Variants in POU2F1 observed in about 807,000 individuals in gnomAD.
The protein encoded by POU2F1 is POU domain, class 2, transcription factor 1.
In POU2F1, 16 loss-of-function variants were observed where a neutral mutation model predicts 84.9. The observed-to-expected ratio is 0.19, with a 90% CI of 0.13 to 0.29. The LOEUF (loss-of-function observed/expected upper bound fraction) is 0.29, where lower values mean the gene tolerates loss of function less well. POU2F1 is among the 10% of genes least tolerant of loss of function. The pLI is 1.00. For synonymous variants in POU2F1, 368 were observed against 368.3 expected (o/e 1.00, Z 0.01); for missense variants, 738 against 942.6 (o/e 0.78, Z 2.84).
intron 1 of POU2F1, among the ~76,000 whole-genome samples, chr1:167,287,640 A>ATTCT (rs1475643194): frequency 2.6e-5 from 4 of 152,224 alleles, no homozygotes; most frequent in African/African-American, 9.6e-5. Context: ...AAAATGCAAA[A>ATTCT]GAGAAGTTCA....
chr1:167,277,324 A>T (rs1439248273), intron 1 of POU2F1, among the ~76,000 whole-genome samples: 1 of 151,212 alleles, frequency 6.6e-6, no homozygotes, highest in Non-Finnish European at 1.5e-5. Context: ...GCAACCTCAC[A>T]CTCCTGGGCT....
intron 1 of POU2F1, among the ~76,000 whole-genome samples, chr1:167,225,310 A>G (rs963443212): frequency 6.6e-6 from 1 of 152,166 alleles, no homozygotes; most frequent in East Asian, 1.9e-4. Flanking sequence ...AATTCCTTTC[A>G]TTTTGTCATT....
chr1:167,277,655 T>C (rs764556061), intron 1 of POU2F1, among the ~76,000 whole-genome samples: 5 of 152,154 alleles, frequency 3.3e-5, no homozygotes, highest in Non-Finnish European at 7.4e-5. Flanking sequence ...AGCTCAGTCC[T>C]AGGCTTCCAT....
rs1327478266 is a variant in POU2F1 at position 167,257,419 on chromosome 1, C to G, written c.61+36461C>G. On this transcript the variant is annotated intron_variant, in intron 1 of 15. Coordinates refer to ENST00000367866, the MANE Select transcript of POU2F1 (RefSeq NM_002697.4). ...GGTGGATGGCATTTTGGCCTGATGT[C>G]AGTTACTATAATTCTTTCCCCAGAA... 2.0e-5 allele frequency among the ~76,000 whole-genome samples: 3 copies of G among 152,284 alleles called. No homozygotes were observed. In the East Asian group the frequency reaches 5.8e-4, roughly 29 times the overall value.
At chr1:167,363,055 C>G (rs565692013) in intron 2 of POU2F1, among the ~76,000 whole-genome samples, 11 of 152,136 alleles carry the variant, frequency 7.2e-5, no homozygotes, top group South Asian at 2.1e-4. Flanking sequence ...CCTCCTCCCC[C>G]CCAAGGCAGA....
intron 2 of POU2F1, among the ~76,000 whole-genome samples, chr1:167,337,690 T>C (rs967125000): frequency 2.2e-5 from 3 of 138,990 alleles, no homozygotes; most frequent in African/African-American, 8.1e-5. Flanking sequence ...CCCCACCCCC[T>C]GCAAAAAAAA....
chr1:167,414,225 A>G, intron 15 of POU2F1: 1 of 718,554 alleles, frequency 1.4e-6, no homozygotes, highest in Non-Finnish European at 1.7e-6. Flanking sequence ...CTTTTGTTAT[A>G]TAATAATTTT....
At chr1:167,376,241 C>A in intron 7 of POU2F1, 86 bp downstream of exon 7, 1 of 1,393,682 alleles carries the variant, frequency 7.2e-7, no homozygotes, top group Non-Finnish European at 9.6e-7. Flanking sequence ...CATTTTGGCC[C>A]TGAAACTATT....
At chr1:167,409,878 T>C (rs532718606) in intron 13 of POU2F1, among the ~76,000 whole-genome samples, 1 of 152,244 alleles carries the variant, frequency 6.6e-6, no homozygotes, top group South Asian at 2.1e-4. Context: ...GGTGAGAAAT[T>C]GGTCAAAAAA....
At chr1:167,359,993 CG>C (rs1331008467) in intron 2 of POU2F1, among the ~76,000 whole-genome samples, 1 of 151,514 alleles carries the variant, frequency 6.6e-6, no homozygotes, top group Non-Finnish European at 1.5e-5. Context: ...TCTTTTGAGA[CG>C]TGTCTGTCTT....
At chr1:167,362,043 T>C (rs1298158907) in intron 2 of POU2F1, among the ~76,000 whole-genome samples, 1 of 152,118 alleles carries the variant, frequency 6.6e-6, no homozygotes, top group African/African-American at 2.4e-5. Context: ...TGGCCCGCAA[T>C]GTACCTACCT....
At chr1:167,224,895 C>G (rs1369696646) in intron 1 of POU2F1, among the ~76,000 whole-genome samples, 1 of 143,254 alleles carries the variant, frequency 7.0e-6, no homozygotes, top group Non-Finnish European at 1.5e-5. Flanking sequence ...TTGGTGCGAT[C>G]TCGGCTCACT....
chr1:167,318,588 A>T (rs1364911314), intron 1 of POU2F1, among the ~76,000 whole-genome samples: 1 of 152,200 alleles, frequency 6.6e-6, no homozygotes, highest in Non-Finnish European at 1.5e-5. Context: ...CAGATTTATT[A>T]TGGTAAATAC....
chr1:167,305,804 A>G (rs1388240981), intron 1 of POU2F1, among the ~76,000 whole-genome samples: 1 of 152,222 alleles, frequency 6.6e-6, no homozygotes, highest in African/African-American at 2.4e-5. Context: ...CATTATGGAA[A>G]GATTACAAAG....
intron 1 of POU2F1, among the ~76,000 whole-genome samples, chr1:167,299,709 A>ATTTTTTT (rs1334052202): frequency 7.9e-6 from 1 of 127,060 alleles, no homozygotes; most frequent in African/African-American, 4.1e-5. Context: ...TTTTTTTTTC[A>ATTTTTTT]TTTTATTTTG....
In POU2F1 at chr1:167,265,044, T is replaced by C. The variant is rs992833457; in HGVS notation, c.61+44086T>C. On this transcript the variant is annotated intron_variant, in intron 1 of 15. Transcript: ENST00000367866. Reference sequence around the variant, plus strand: ...CATCCCTGCCAGTCCTTCCCTACTTTATTTTTCTCTGACTTTCATACTAGA... The same window carrying C: ...CATCCCTGCCAGTCCTTCCCTACTTCATTTTTCTCTGACTTTCATACTAGA... Among the ~76,000 whole-genome samples, 7 of 152,346 alleles carry C rather than the reference T, an allele frequency of 4.6e-5. No homozygotes were observed. In the South Asian group the frequency reaches 1.0e-3, roughly 23 times the overall value.
chr1:167,332,365 G>A, intron 1 of POU2F1, 105 bp from the exon 2 acceptor site: 1 of 749,148 alleles, frequency 1.3e-6, no homozygotes, highest in South Asian at 1.6e-5. Context: ...TAAACTATAT[G>A]ACTATAACAT....
chr1:167,415,468 T>TCCTGCC (rs751702017), intron 15 of POU2F1, 32 bp from the exon 16 acceptor site: 2 of 1,601,564 alleles, frequency 1.2e-6, no homozygotes, highest in South Asian at 2.2e-5. Flanking sequence ...ATGTTTTCAT[T>TCCTGCC]CCTGCCTGTT....
At chr1:167,361,595 G>T (rs1447508808) in intron 2 of POU2F1, among the ~76,000 whole-genome samples, 1 of 151,998 alleles carries the variant, frequency 6.6e-6, no homozygotes, top group Non-Finnish European at 1.5e-5. Flanking sequence ...GAGGATTTTC[G>T]CATCTATGTT....
Sources: gnomAD v4.1 joint callset for allele counts (sites outside exome capture counted in the v4.1 genomes callset) on GRCh38, gnomAD v4.1.1 for gene constraint, MANE v1.5 for transcripts, NCBI Gene and HGNC (gene_info 2026-07-23, HGNC 2026-07-21) for gene names.